ERGIC2: variants seen among roughly 807,000 people sequenced by gnomAD.
The protein encoded by ERGIC2 is ERGIC and golgi 2, also known as endoplasmic reticulum-Golgi intermediate compartment protein 2.
A neutral mutation model predicts 52.5 loss-of-function variants in ERGIC2; 31 were observed. The observed-to-expected ratio is 0.59, with a 90% CI of 0.44 to 0.80. The LOEUF is 0.80. ERGIC2 is among the 30% of genes least tolerant of loss of function. ERGIC2 has a pLI of 0.00. For missense variants in ERGIC2, 395 were observed against 455.2 expected, an observed-to-expected ratio of 0.87 and a Z score of 1.20; for synonymous variants, 129 against 140.6, an observed-to-expected ratio of 0.92 and a Z score of 0.58.
intron 6 of ERGIC2, among the ~76,000 whole-genome samples, chr12:29,361,351 T>C (rs147921942): frequency 2.0e-5 from 3 of 152,296 alleles, no homozygotes; most frequent in Non-Finnish European, 2.9e-5. Flanking sequence ...TCTATTCAAA[T>C]TGAATTTTTA....
chr12:29,350,581 T>C (rs1047301687), intron 8 of ERGIC2, among the ~76,000 whole-genome samples: 4 of 152,106 alleles, frequency 2.6e-5, no homozygotes, highest in African/African-American at 7.2e-5. Flanking sequence ...TATTCATTGC[T>C]TGAAAGACAT....
At position 29,370,099 on chromosome 12, in the gene ERGIC2, A is replaced by G; in HGVS notation, c.215+15T>C. ...TTGAATCTAAAGGTATTCCAAGAAG[A>G]AAAAAAATGATTACCTAGAAAAATC... On this transcript the variant is annotated intron_variant, in intron 3 of 13. Transcript: ENST00000360150. 6.8e-7 allele frequency: 1 copy of G among 1,476,380 alleles called. No homozygotes were observed. The highest frequency in any genetic ancestry group is 8.9e-7 in the Non-Finnish European group (1 of 1,120,342). 91.5% of individuals were successfully genotyped at this position (1,476,380 alleles called of 1,614,324 possible). A position where few individuals can be genotyped will look rare whatever the true frequency, so the allele number is the denominator to read the frequency against.
intron 11 of ERGIC2, among the ~76,000 whole-genome samples, chr12:29,344,106 T>C (rs965752812): frequency 1.3e-5 from 2 of 152,210 alleles, no homozygotes; most frequent in African/African-American, 4.8e-5. Context: ...TATCAGTATA[T>C]AGAAATCCTT....
intron 10 of ERGIC2, among the ~76,000 whole-genome samples, chr12:29,347,379 C>T (rs151281216): frequency 1.1e-3 from 171 of 152,242 alleles, no homozygotes; most frequent in African/African-American, 3.9e-3. Context: ...TTATTTCTAC[C>T]GGCTTCATTA....
chr12:29,359,748 T>C (rs576055447), intron 6 of ERGIC2, among the ~76,000 whole-genome samples: 1 of 151,896 alleles, frequency 6.6e-6, no homozygotes, highest in South Asian at 2.1e-4. Flanking sequence ...TCTTGGAATA[T>C]ACTTAGGGAC....
At chr12:29,342,908 A>C (rs768747152) in intron 12 of ERGIC2, among the ~76,000 whole-genome samples, 1 of 152,180 alleles carries the variant, frequency 6.6e-6, no homozygotes, top group Non-Finnish European at 1.5e-5. Flanking sequence ...TTTCCAACTC[A>C]CCATTATATA....
intron 1 of ERGIC2, chr12:29,372,494 T>C (rs1387262020): frequency 2.0e-5 from 3 of 152,108 alleles, no homozygotes; most frequent in African/African-American, 7.2e-5. Flanking sequence ...TAAATGCCCA[T>C]TGAGGAATTT....
rs1246423070 is a variant in ERGIC2, at chr12:29,341,144, A to G, written c.*12T>C. ...CTCAGGCAAAAAGTTTTTCTCCTTC[A>G]ATCGGGAGGTGTTAATGTGTATTAT... is the stretch of plus-strand genomic sequence containing the variant. On this transcript the variant is annotated 3_prime_UTR_variant, in exon 14 of 14. Transcript: ENST00000360150. 1 of 1,597,562 alleles carries G rather than the reference A, an allele frequency of 6.3e-7. No homozygotes were observed. The highest frequency in any genetic ancestry group is 8.6e-7 in the Non-Finnish European group (1 of 1,169,366).
At chr12:29,364,949 GAA>G (rs71042989) in intron 5 of ERGIC2, among the ~76,000 whole-genome samples, 13,399 of 118,534 alleles carry the variant, frequency 0.11, 707 homozygotes, top group East Asian at 0.23. Context: ...AAGTCAAAAA[GAA>G]AAAAAAAAAA....
Position 29,340,181 on chromosome 12 carries a change from G to C in ERGIC2, c.*975C>G, listed in dbSNP as rs564524647. ...GTTTAACATGGCACCTCTCAAATCT[G>C]ATATATCTTGTGGTGCTTACAATTT... On this transcript the variant is annotated 3_prime_UTR_variant, in exon 14 of 14. Coordinates refer to ENST00000360150, the MANE Select transcript of ERGIC2 (RefSeq NM_016570.3). 5 of 152,182 alleles carry C rather than the reference G, an allele frequency of 3.3e-5. No individual in the cohort carries two copies. Among genetic ancestry groups the C allele is most frequent in the African/African-American group, 9.6e-5 (4 of 41,534 alleles). The allele number at this position is 152,182 out of a possible 1,614,324, so 9.4% of individuals were successfully genotyped here.
intron 1 of ERGIC2, among the ~76,000 whole-genome samples, chr12:29,375,354 G>T (rs1350281650): frequency 2.0e-5 from 3 of 152,112 alleles, no homozygotes; most frequent in Non-Finnish European, 4.4e-5. Flanking sequence ...TAGCGAACAG[G>T]TATTCAATAT....
In ERGIC2 at chr12:29,350,014, T is replaced by C; in HGVS notation, c.627A>G (p.Glu209=). ...HAHLAALVNH[E]SYNFSHRIDH... is the part of the protein sequence containing the mutation. The stretch of plus-strand genomic sequence containing the variant: ...GAAAAAAAGTCAGAATCTGCTTACA[T>C]TCATGGTTGACAAGTGCTGCCAAAT... The change falls in exon 9 of 14, where the codon GAA becomes GAG. Residue 209 remains glutamate, a splice_region_variant and synonymous_variant. Transcript: ENST00000360150. 6.3e-7 allele frequency: 1 copy of C among 1,599,870 alleles called. No homozygotes were observed. The highest frequency in any genetic ancestry group is 8.6e-7 in the Non-Finnish European group (1 of 1,168,430).
At chr12:29,375,822 C>A (rs971955546) in intron 1 of ERGIC2, among the ~76,000 whole-genome samples, 9 of 152,136 alleles carry the variant, frequency 5.9e-5, no homozygotes, top group Non-Finnish European at 8.8e-5. Context: ...TGGAGCACCT[C>A]GCCCCTCAGC....
chr12:29,351,532 T>C (rs1254942989), intron 8 of ERGIC2, among the ~76,000 whole-genome samples: 1 of 152,202 alleles, frequency 6.6e-6, no homozygotes, highest in Non-Finnish European at 1.5e-5. Context: ...GTAACATCTG[T>C]CCACTTATCA....
At position 29,338,609 on chromosome 12, in the gene ERGIC2, A is replaced by T. The variant is rs905289666; in HGVS notation, c.*2547T>A. The T allele has an allele frequency of 1.3e-5, 2 of 152,172 alleles. No individual in the cohort carries two copies. Among genetic ancestry groups the T allele is most frequent in the African/African-American group, 2.4e-5 (1 of 41,412 alleles). 9.4% of individuals were successfully genotyped at this position (152,172 alleles called of 1,614,324 possible). ...CAGTGAGTTACAATCATGCCACTGCACTTCAGCCTGGGCAACAGTGCGAGA... is the reference window on the plus strand; with the variant it reads ...CAGTGAGTTACAATCATGCCACTGCTCTTCAGCCTGGGCAACAGTGCGAGA... On this transcript the variant is annotated 3_prime_UTR_variant, in exon 14 of 14. Coordinates refer to ENST00000360150, the MANE Select transcript of ERGIC2 (RefSeq NM_016570.3).
chr12:29,356,088 C>T (rs1008477016), intron 8 of ERGIC2, among the ~76,000 whole-genome samples: 1 of 151,786 alleles, frequency 6.6e-6, no homozygotes, highest in African/African-American at 2.4e-5. Flanking sequence ...GTGGCGCGAT[C>T]TCGGCTCACT....
chr12:29,369,432 C>T (rs1047884684), intron 3 of ERGIC2, among the ~76,000 whole-genome samples: 24 of 151,834 alleles, frequency 1.6e-4, no homozygotes, highest in African/African-American at 5.3e-4. Context: ...TCTCATAAAC[C>T]TCTTGAGGAA....
chr12:29,360,066 T>C (rs892072402), intron 6 of ERGIC2, among the ~76,000 whole-genome samples: 2 of 152,090 alleles, frequency 1.3e-5, no homozygotes, highest in Admixed American at 6.6e-5. Flanking sequence ...CCCATCAAAC[T>C]GGCATACATT....
chr12:29,368,929 T>C (rs1200253236), intron 3 of ERGIC2, among the ~76,000 whole-genome samples: 1 of 151,952 alleles, frequency 6.6e-6, no homozygotes, highest in Non-Finnish European at 1.5e-5. Context: ...TTCATGGCCT[T>C]TCATTTTCAA....
Sources: gnomAD v4.1 joint callset for allele counts (sites outside exome capture counted in the v4.1 genomes callset) on GRCh38, gnomAD v4.1.1 for gene constraint, MANE v1.5 for transcripts, NCBI Gene and HGNC (gene_info 2026-07-23, HGNC 2026-07-21) for gene names.